The following PDGFD variants were observed in gnomAD, a reference collection of about 807,000 sequenced individuals.
PDGFD encodes platelet-derived growth factor D.
Under a neutral mutation model 44.7 loss-of-function variants are expected in PDGFD, and 30 were observed. The ratio of observed to expected loss-of-function variants is 0.67; its 90% CI spans 0.50 to 0.91. The LOEUF is 0.91. Ranked by LOEUF, PDGFD falls within the 40% of genes least tolerant of loss-of-function variation. The probability of loss-of-function intolerance (pLI) is 0.00; values close to 1 mark genes in which losing one functional copy is unlikely to be tolerated. For missense variants in PDGFD, 445 were observed against 457.8 expected (o/e 0.97, Z 0.25); for synonymous variants, 173 against 168.4 (o/e 1.03, Z -0.21).
At chr11:104,118,128 T>C (rs1012215058) in intron 1 of PDGFD, among the ~76,000 whole-genome samples, 4 of 151,946 alleles carry the variant, frequency 2.6e-5, no homozygotes, top group Admixed American at 2.0e-4. Flanking sequence ...AAGAAAATTG[T>C]ATTTCTTCCT....
chr11:103,949,655 G>C (rs1045114258), intron 3 of PDGFD, among the ~76,000 whole-genome samples: 1 of 152,124 alleles, frequency 6.6e-6, no homozygotes, highest in Non-Finnish European at 1.5e-5. Flanking sequence ...CTGAGCTGTG[G>C]GTAGGATCAT....
chr11:103,996,060 C>G lies in PDGFD; in HGVS notation c.510+5G>C, dbSNP rs1262196602. The G allele has an allele frequency of 6.2e-7, 1 of 1,611,160 alleles. No homozygotes were observed. Among genetic ancestry groups the G allele is most frequent in the Non-Finnish European group, 8.5e-7 (1 of 1,178,390 alleles). ...CTTTTAATCATAAAGTGGTTAAGTA[C>G]TCACCAGCAAAGAATAATAAATCTT... On this transcript the variant is annotated splice_donor_5th_base_variant and intron_variant, in intron 3 of 6. Coordinates refer to ENST00000393158, the MANE Select transcript of PDGFD (RefSeq NM_025208.5).
intron 5 of PDGFD, among the ~76,000 whole-genome samples, chr11:103,935,995 T>C (rs943349629): frequency 2.6e-5 from 4 of 152,218 alleles, no homozygotes; most frequent in African/African-American, 9.6e-5. Context: ...TCTTTTGCTC[T>C]ATTTCTATTA....
At chr11:104,155,520 A>G (rs752192569) in intron 1 of PDGFD, among the ~76,000 whole-genome samples, 9 of 152,200 alleles carry the variant, frequency 5.9e-5, no homozygotes, top group Non-Finnish European at 1.2e-4. Context: ...AACTCAAACC[A>G]GTTCTCTTAT....
intron 1 of PDGFD, among the ~76,000 whole-genome samples, chr11:104,103,644 T>C (rs1861430429): frequency 2.0e-5 from 3 of 151,822 alleles, no homozygotes; most frequent in African/African-American, 7.3e-5. Flanking sequence ...CAAATTATAT[T>C]GGAGCTGAAA....
intron 5 of PDGFD, among the ~76,000 whole-genome samples, chr11:103,928,479 CA>C (rs1168296159): frequency 6.6e-6 from 1 of 152,124 alleles, no homozygotes; most frequent in African/African-American, 2.4e-5. Flanking sequence ...GAGCAGAGGT[CA>C]AAAGTCAAGG....
intron 1 of PDGFD, among the ~76,000 whole-genome samples, chr11:104,159,378 A>G (rs1287334647): frequency 2.6e-5 from 4 of 152,146 alleles, no homozygotes; most frequent in Non-Finnish European, 5.9e-5. Flanking sequence ...CACCTGGTTC[A>G]TCCATCTAAA....
intron 5 of PDGFD, among the ~76,000 whole-genome samples, chr11:103,941,375 G>A (rs907526101): frequency 2.1e-4 from 32 of 152,192 alleles, no homozygotes; most frequent in Non-Finnish European, 2.5e-4. Flanking sequence ...TGTCTTAAGT[G>A]CTCCTAACTT....
intron 1 of PDGFD, among the ~76,000 whole-genome samples, chr11:104,035,593 T>C (rs866677366): frequency 1.4e-5 from 2 of 147,060 alleles, no homozygotes; most frequent in Admixed American, 6.9e-5. Flanking sequence ...GGAGGAGGAA[T>C]TCTTGCTAAT....
At chr11:104,017,369 A>G (rs1372124282) in intron 1 of PDGFD, among the ~76,000 whole-genome samples, 5 of 152,004 alleles carry the variant, frequency 3.3e-5, no homozygotes, top group Admixed American at 2.6e-4. Context: ...TTTTTTTTAA[A>G]TTATCCAGTA....
chr11:104,017,834 T>C (rs564449754), intron 1 of PDGFD, among the ~76,000 whole-genome samples: 40 of 152,322 alleles, frequency 2.6e-4, no homozygotes, highest in African/African-American at 9.4e-4. Context: ...ACGCGATGTT[T>C]AATTTTTAAG....
intron 1 of PDGFD, among the ~76,000 whole-genome samples, chr11:104,068,576 A>G (rs1040542226): frequency 6.1e-4 from 93 of 152,352 alleles, no homozygotes; most frequent in African/African-American, 2.2e-3. Flanking sequence ...GAGCTATCAC[A>G]GCAATTATAT....
rs141647495 is a variant in PDGFD at position 104,080,699 on chromosome 11, G to C, written c.125-80444C>G. 1.5e-3 allele frequency among the ~76,000 whole-genome samples: 228 copies of C among 152,332 alleles called. 1 individual carries two copies. Among genetic ancestry groups the C allele is most frequent in the African/African-American group, 5.1e-3 (211 of 41,574 alleles). On this transcript the variant is annotated intron_variant, in intron 1 of 6. Coordinates refer to ENST00000393158, the MANE Select transcript of PDGFD (RefSeq NM_025208.5). ...TATGCTTTGGTAACCTGTATAACCT[G>C]TTTGGTAAACTTTTGGTAACATGTA...
At chr11:104,094,254 C>G (rs1861251564) in intron 1 of PDGFD, among the ~76,000 whole-genome samples, 1 of 152,016 alleles carries the variant, frequency 6.6e-6, no homozygotes, top group Admixed American at 6.6e-5. Flanking sequence ...CTCCTACCCT[C>G]CTTCAGCAAC....
intron 1 of PDGFD, among the ~76,000 whole-genome samples, chr11:104,125,665 G>A: frequency 6.6e-6 from 1 of 152,018 alleles, no homozygotes; most frequent in East Asian, 1.9e-4. Context: ...CCCACTACTG[G>A]GAACATTTTA....
intron 1 of PDGFD, among the ~76,000 whole-genome samples, chr11:104,137,426 C>T (rs1213774869): frequency 6.6e-6 from 1 of 151,342 alleles, no homozygotes; most frequent in African/African-American, 2.4e-5. Context: ...TTCATGGGAA[C>T]TGGGATATAT....
In PDGFD at chr11:104,036,997, T is replaced by C; in HGVS notation, c.125-36742A>G. 1 of 1,614,232 alleles carries C rather than the reference T, an allele frequency of 6.2e-7. No individual in the cohort carries two copies. On this transcript the variant is annotated intron_variant, in intron 1 of 6. Transcript: ENST00000393158. The stretch of plus-strand genomic sequence containing the variant: ...GGAGCGACTCCTCATCGAGGACCAC[T>C]GTTCCCTGGGCTCCTACGGCCTCAA...
intron 4 of PDGFD, among the ~76,000 whole-genome samples, chr11:103,947,208 T>G (rs1858679430): frequency 6.6e-6 from 1 of 152,166 alleles, no homozygotes; most frequent in Non-Finnish European, 1.5e-5. Context: ...CATGCCTGAT[T>G]TGCACTTATT....
intron 1 of PDGFD, among the ~76,000 whole-genome samples, chr11:104,011,311 T>C (rs1175562682): frequency 2.6e-5 from 4 of 152,120 alleles, no homozygotes; most frequent in East Asian, 3.8e-4. Flanking sequence ...ACTTGTGATG[T>C]ATATAAACTT....
Sources: gnomAD v4.1 joint callset for allele counts (sites outside exome capture counted in the v4.1 genomes callset) on GRCh38, gnomAD v4.1.1 for gene constraint, MANE v1.5 for transcripts, NCBI Gene and HGNC (gene_info 2026-07-23, HGNC 2026-07-21) for gene names.